The following CP variants were observed in gnomAD, a reference collection of about 807,000 sequenced individuals.
CP encodes caeruloplasmin.
Under a neutral mutation model 122.4 loss-of-function variants are expected in CP, and 64 were observed. That is an observed-to-expected ratio of 0.52 (90% CI 0.43 to 0.64). CP has a LOEUF of 0.64. Ranked by LOEUF, CP falls within the 30% of genes least tolerant of loss-of-function variation. The pLI is 0.00. For missense variants in CP, 1,167 were observed against 1,284.4 expected (o/e 0.91, Z 1.40); for synonymous variants, 440 against 436.4 (o/e 1.01, Z -0.10).
At chr3:149,208,140 T>A (rs1263651416) in intron 4 of CP, among the ~76,000 whole-genome samples, 3 of 151,944 alleles carry the variant, frequency 2.0e-5, no homozygotes, top group South Asian at 2.1e-4. Flanking sequence ...TTGGAAGAGA[T>A]ATGAAGGAGG....
At position 149,186,718 on chromosome 3, in the gene CP, T is replaced by G; in HGVS notation, c.1879A>C (p.Met627Leu). 6.2e-7 allele frequency: 1 copy of G among 1,614,038 alleles called. No homozygotes were observed. Among genetic ancestry groups the G allele is most frequent in the Non-Finnish European group, 8.5e-7 (1 of 1,180,004 alleles). ...SNKMHSMNGF[M>L]YGNQPGLTMC... Reference sequence around the variant, plus strand: ...GTGAGACCCGGCTGATTCCCATACATGAATCCATTCATGGCTGTAAAAGTT... The same window carrying G: ...GTGAGACCCGGCTGATTCCCATACAGGAATCCATTCATGGCTGTAAAAGTT... The change falls in exon 11 of 19, where the codon ATG becomes CTG. Residue 627 changes from methionine to leucine, a missense_variant. Coordinates refer to ENST00000264613, the MANE Select transcript of CP (RefSeq NM_000096.4).
At position 149,221,644 on chromosome 3, in the gene CP, T is replaced by TA; in HGVS notation, c.146+2dup. 6.2e-7 allele frequency: 1 copy of TA among 1,611,926 alleles called. No individual in the cohort carries two copies. The highest frequency in any genetic ancestry group is 8.5e-7 in the Non-Finnish European group (1 of 1,179,222). On this transcript the variant is annotated splice_region_variant and intron_variant, in intron 1 of 18. Coordinates refer to ENST00000264613, the MANE Select transcript of CP (RefSeq NM_000096.4). ...TCTATAAACAATAAAAATAGTGACT[T>TA]ACGTGTCAACAGAAATAAGTTTCTT...
intron 7 of CP, 165 bp from the exon 8 acceptor site, chr3:149,200,029 G>A (rs1454010520): frequency 1.5e-6 from 1 of 679,226 alleles, no homozygotes; most frequent in Non-Finnish European, 2.6e-6. Context: ...TAATCAATCT[G>A]ATATGTCGAG....
intron 5 of CP, among the ~76,000 whole-genome samples, chr3:149,206,727 C>T (rs1406825763): frequency 6.6e-6 from 1 of 152,022 alleles, no homozygotes; most frequent in East Asian, 1.9e-4. Flanking sequence ...GGAGGAGGTA[C>T]CAAATGAGCT....
intron 6 of CP, among the ~76,000 whole-genome samples, chr3:149,203,638 C>T (rs80043139): frequency 0.014 from 2,186 of 152,280 alleles, 54 homozygotes; most frequent in African/African-American, 0.048. Flanking sequence ...ATTTTGCAAA[C>T]GAAGAAATTA....
At chr3:149,206,987 G>A (rs1727770635) in intron 5 of CP, among the ~76,000 whole-genome samples, 1 of 152,140 alleles carries the variant, frequency 6.6e-6, no homozygotes, top group South Asian at 2.1e-4. Context: ...GGGATGGCCA[G>A]GCTCAAATAA....
chr3:149,181,973 T>TGGGGGGGGGGGGGGC, intron 14 of CP, 32 bp downstream of exon 14: 1 of 1,375,574 alleles, frequency 7.3e-7, no homozygotes, highest in Non-Finnish European at 1.0e-6. Flanking sequence ...CCTGTTAAAA[T>TGGGGGGGGGGGGGGC]GCACCACCCC....
chr3:149,193,751 AT>A (rs1726705933), intron 9 of CP, among the ~76,000 whole-genome samples: 1 of 152,232 alleles, frequency 6.6e-6, no homozygotes, highest in African/African-American at 2.4e-5. Context: ...ACCTATATTC[AT>A]TCCATTTGTT....
At chr3:149,174,272 G>T (rs2108205261) in intron 18 of CP, among the ~76,000 whole-genome samples, 1 of 152,314 alleles carries the variant, frequency 6.6e-6, no homozygotes, top group East Asian at 1.9e-4. Flanking sequence ...TAAAGAACAT[G>T]ATTAGGATTA....
At chr3:149,183,658 T>G in intron 12 of CP, 53 bp from the exon 13 acceptor site, 6 of 1,298,578 alleles carry the variant, frequency 4.6e-6, no homozygotes, top group Non-Finnish European at 6.4e-6. Context: ...AAATGTAACT[T>G]AAGTTTTAAA....
At position 149,212,614 on chromosome 3, in the gene CP, A is replaced by G; in HGVS notation, c.231T>C (p.Asp77=). The part of the protein sequence containing the change: ...YKKALYLQYT[D]ETFRTTIEKP... ...TTTCTATAGTTGTCCTAAAGGTTTC[A>G]TCTGTGTACTGAAGATAAAGGGCCT... The change falls in exon 2 of 19, where the codon GAT becomes GAC. Residue 77 remains aspartate (D), a synonymous_variant. Coordinates refer to ENST00000264613, the MANE Select transcript of CP (RefSeq NM_000096.4). 1 of 1,614,068 alleles carries G rather than the reference A, an allele frequency of 6.2e-7. No individual in the cohort carries two copies. Among genetic ancestry groups the G allele is most frequent in the Non-Finnish European group, 8.5e-7 (1 of 1,179,982 alleles).
intron 17 of CP, chr3:149,176,655 C>T: frequency 2.1e-6 from 1 of 467,296 alleles, no homozygotes; most frequent in Admixed American, 3.4e-5. Context: ...TCAATCAGGA[C>T]TACCTACAAA....
chr3:149,163,547 C>T (rs1724102341), intron 5 of CP, among the ~76,000 whole-genome samples: 1 of 152,046 alleles, frequency 6.6e-6, no homozygotes, highest in African/African-American at 2.4e-5. Flanking sequence ...AAATTATTTC[C>T]AATATTCTTT....
At chr3:149,203,246 T>C (rs933636085) in intron 6 of CP, among the ~76,000 whole-genome samples, 5 of 152,042 alleles carry the variant, frequency 3.3e-5, no homozygotes, top group Admixed American at 6.6e-5. Flanking sequence ...ACTGGCCAGC[T>C]GCTCGGGAGC....
chr3:149,164,103 A>G (rs1290586280), intron 5 of CP, among the ~76,000 whole-genome samples: 1 of 152,158 alleles, frequency 6.6e-6, no homozygotes, highest in Non-Finnish European at 1.5e-5. Context: ...CTTGGAGGGA[A>G]TGCCTGCCTC....
rs1378270514 is a variant in CP, at chr3:149,212,507, G to A, written c.338C>T (p.Ala113Val). The A allele has an allele frequency of 2.5e-5, 41 of 1,613,768 alleles. No individual in the cohort carries two copies. Among genetic ancestry groups the A allele is most frequent in the Non-Finnish European group, 3.3e-5 (39 of 1,179,926 alleles). Reference protein sequence around the residue: ...DKVYVHLKNLASRPYTFHSHG... With the variant: ...DKVYVHLKNLVSRPYTFHSHG... The stretch of plus-strand genomic sequence containing the variant: ...TGAATGAAAGGTGTAGGGCCTAGAG[G>A]CAAGGTTTTTTAAGTGTACATAAAC... Residue 113 changes from alanine (A) to valine (V), a missense_variant, in exon 2 of 19, where the codon GCC becomes GTC. Transcript: ENST00000264613.
At chr3:149,169,352 C>T (rs868100316), downstream of CP, among the ~76,000 whole-genome samples, 6 of 152,006 alleles carry the variant, frequency 3.9e-5, no homozygotes, top group East Asian at 5.8e-4. Context: ...ACTAAGTGTC[C>T]GAGAGCAACC....
At position 149,186,577 on chromosome 3, in the gene CP, T is replaced by C; in HGVS notation, c.2020A>G (p.Thr674Ala). ...CTTGTTTGAGGGAAGAGGTTTGCTG[T>C]GTCTCTCCGTTCTCCTCTCCACAGA... is the stretch of plus-strand genomic sequence containing the variant. ...TYLWRGERRD[T>A]ANLFPQTSLT... Residue 674 changes from threonine to alanine, a missense_variant, in exon 11 of 19, where the codon ACA becomes GCA. Physicochemically the swap from Thr to Ala is moderately conservative, Grantham distance 58 (BLOSUM62 0). Around this residue, in one of 2 missense-constraint regions of CP, gnomAD observed 525 missense variants for 657.2 expected, o/e 0.80. Transcript: ENST00000264613. The C allele has an allele frequency of 6.2e-7, 1 of 1,614,210 alleles. No homozygotes were observed. Among genetic ancestry groups the C allele is most frequent in the Non-Finnish European group, 8.5e-7 (1 of 1,180,028 alleles).
At chr3:149,165,344 A>G (rs916023823) in intron 5 of CP, among the ~76,000 whole-genome samples, 1 of 152,230 alleles carries the variant, frequency 6.6e-6, no homozygotes, top group Non-Finnish European at 1.5e-5. Flanking sequence ...TTGAAAAAGT[A>G]TAATTCAGTG....
Sources: allele counts gnomAD v4.1 joint callset (sites outside exome capture counted in the v4.1 genomes callset), GRCh38; gene constraint gnomAD v4.1.1; regional missense constraint gnomAD v4.1.1; transcripts MANE v1.5; gene names NCBI Gene and HGNC (gene_info 2026-07-23, HGNC 2026-07-21).